Variants in GRIK2 observed in about 807,000 individuals in gnomAD.
GRIK2 encodes the protein glutamate receptor ionotropic, kainate 2.
In GRIK2, 32 loss-of-function variants were observed where a neutral mutation model predicts 100.3. The observed-to-expected ratio is 0.32, with a 90% CI of 0.24 to 0.43. The LOEUF (loss-of-function observed/expected upper bound fraction) is 0.43, where lower values mean the gene tolerates loss of function less well. GRIK2 is among the 20% of genes least tolerant of loss of function. The probability of loss-of-function intolerance (pLI) is 1.00; values close to 1 mark genes in which losing one functional copy is unlikely to be tolerated. For missense variants in GRIK2, 843 were observed against 1,114.9 expected (o/e 0.76, Z 3.47); for synonymous variants, 417 against 389.4 (o/e 1.07, Z -0.83).
chr6:101,798,013 C>T (rs2128412521), intron 7 of GRIK2, among the ~76,000 whole-genome samples: 1 of 148,586 alleles, frequency 6.7e-6, no homozygotes, highest in Admixed American at 6.7e-5. Context: ...AGAAATTTCC[C>T]TATTTTGGTC....
chr6:101,398,479 T>G (rs976275034), intron 1 of GRIK2, among the ~76,000 whole-genome samples: 21 of 152,302 alleles, frequency 1.4e-4, no homozygotes, highest in African/African-American at 4.1e-4. Flanking sequence ...AAAATAAAAG[T>G]ATAAATAAGA....
intron 2 of GRIK2, among the ~76,000 whole-genome samples, chr6:101,433,370 G>A (rs1769526474): frequency 6.6e-6 from 1 of 152,016 alleles, no homozygotes; most frequent in Middle Eastern, 3.2e-3. Context: ...TTTTATACCT[G>A]CGTGACGTGC....
Position 102,022,789 on chromosome 6 carries a change from A to T in GRIK2, c.2086-12552A>T, listed in dbSNP as rs1399274755. ...ATTTCTTCAAATATTTATAGAGCAA[A>T]TGGGTAGAAAACTAGCTGTGCCTGC... On this transcript the variant is annotated intron_variant, in intron 14 of 16. Transcript: ENST00000369134. Among the ~76,000 whole-genome samples, 3 of 151,736 alleles carry T rather than the reference A, an allele frequency of 2.0e-5. No homozygotes were observed. The South Asian group carries it at 6.2e-4, about 31-fold the overall frequency.
At chr6:101,661,042 C>T (rs1257732090) in intron 4 of GRIK2, among the ~76,000 whole-genome samples, 1 of 152,124 alleles carries the variant, frequency 6.6e-6, no homozygotes, top group Non-Finnish European at 1.5e-5. Flanking sequence ...AGCCAGCAGG[C>T]AGGAATGTTT....
At chr6:101,759,103 A>G (rs1395425923) in intron 7 of GRIK2, among the ~76,000 whole-genome samples, 1 of 152,166 alleles carries the variant, frequency 6.6e-6, no homozygotes, top group African/African-American at 2.4e-5. Flanking sequence ...TTTGCATATC[A>G]AGTAGCATAT....
At chr6:101,817,617 T>TA (rs1781712645) in intron 9 of GRIK2, among the ~76,000 whole-genome samples, 1 of 152,248 alleles carries the variant, frequency 6.6e-6, no homozygotes, top group South Asian at 2.1e-4. Flanking sequence ...ATCCTGTGCT[T>TA]ACGTGTTTCT....
At chr6:101,764,427 A>T (rs1777919014) in intron 7 of GRIK2, among the ~76,000 whole-genome samples, 1 of 152,146 alleles carries the variant, frequency 6.6e-6, no homozygotes, top group South Asian at 2.1e-4. Flanking sequence ...AAAGATAACC[A>T]GCACTCTGTG....
intron 12 of GRIK2, among the ~76,000 whole-genome samples, chr6:101,895,667 C>A (rs1157204920): frequency 6.6e-6 from 1 of 151,662 alleles, no homozygotes; most frequent in African/African-American, 2.4e-5. Flanking sequence ...AAATGAAATG[C>A]CAATTTTGTT....
chr6:101,864,090 T>C (rs1257577315), intron 11 of GRIK2, among the ~76,000 whole-genome samples: 2 of 149,678 alleles, frequency 1.3e-5, no homozygotes, highest in Non-Finnish European at 3.0e-5. Context: ...TGAGCCGAGA[T>C]TGCGCCACTG....
At chr6:101,477,420 C>A (rs1772298969) in intron 2 of GRIK2, among the ~76,000 whole-genome samples, 1 of 152,176 alleles carries the variant, frequency 6.6e-6, no homozygotes, top group Non-Finnish European at 1.5e-5. Context: ...GCCCACCAAA[C>A]AATTTGTCAA....
intron 14 of GRIK2, among the ~76,000 whole-genome samples, chr6:101,937,365 C>T (rs1316025418): frequency 6.6e-6 from 1 of 152,042 alleles, no homozygotes; most frequent in African/African-American, 2.4e-5. Context: ...AGAGAGGGCC[C>T]CACAGGGAGT....
At chr6:101,645,943 T>C (rs1460072634) in intron 4 of GRIK2, among the ~76,000 whole-genome samples, 2 of 151,970 alleles carry the variant, frequency 1.3e-5, no homozygotes, top group African/African-American at 4.8e-5. Context: ...TATATGATAT[T>C]TATACATTTT....
At chr6:101,814,594 A>G (rs1781521820) in intron 9 of GRIK2, among the ~76,000 whole-genome samples, 1 of 152,146 alleles carries the variant, frequency 6.6e-6, no homozygotes, top group South Asian at 2.1e-4. Flanking sequence ...TGTAAAGGGA[A>G]AGATAACAAG....
At chr6:101,809,767 T>C (rs1781217605) in intron 9 of GRIK2, among the ~76,000 whole-genome samples, 1 of 152,086 alleles carries the variant, frequency 6.6e-6, no homozygotes, top group Admixed American at 6.6e-5. Context: ...TGCCTTTCTT[T>C]GGAGATGTTA....
In GRIK2 at chr6:101,444,779, A is replaced by C. The variant is rs546502465; in HGVS notation, c.115+45387A>C. Among the ~76,000 whole-genome samples the C allele has an allele frequency of 1.6e-4, 24 of 152,172 alleles. No homozygotes were observed. In the East Asian group the frequency reaches 4.6e-3, roughly 29 times the overall value. ...CTGTCTGCTCACTACTCCTTGCCTC[A>C]TTACTGAATCATGATCATTTCTCCC... On this transcript the variant is annotated intron_variant, in intron 2 of 16. Coordinates refer to ENST00000369134, the MANE Select transcript of GRIK2 (RefSeq NM_021956.5).
At chr6:101,640,132 T>G (rs941704064) in intron 4 of GRIK2, among the ~76,000 whole-genome samples, 3 of 152,204 alleles carry the variant, frequency 2.0e-5, no homozygotes, top group African/African-American at 4.8e-5. Context: ...TTAAATTTAA[T>G]TCATAACACA....
chr6:101,842,383 A>T (rs966796000), intron 10 of GRIK2, among the ~76,000 whole-genome samples: 1 of 152,082 alleles, frequency 6.6e-6, no homozygotes, highest in African/African-American at 2.4e-5. Flanking sequence ...CTCTGGGATG[A>T]TTTAACTGAC....
chr6:102,058,300 G>A lies in GRIK2; in HGVS notation c.2562+2720G>A, dbSNP rs542882919. ...TAGTATTTTTTGTTTGTATCTCCAA[G>A]GCCTCAATTAGTGCCTGGTGGCATA... On this transcript the variant is annotated intron_variant, in intron 16 of 16. Coordinates refer to ENST00000369134, the MANE Select transcript of GRIK2 (RefSeq NM_021956.5). Among the ~76,000 whole-genome samples, 31 of 151,662 alleles carry A rather than the reference G, an allele frequency of 2.0e-4. No homozygotes were observed. The South Asian group carries it at 4.1e-3, about 20-fold the overall frequency.
intron 7 of GRIK2, among the ~76,000 whole-genome samples, chr6:101,798,881 T>C (rs1780486461): frequency 6.6e-6 from 1 of 152,118 alleles, no homozygotes; most frequent in African/African-American, 2.4e-5. Flanking sequence ...ATCATCAACC[T>C]CCAAAGTGGT....
Sources: gnomAD v4.1 joint callset for allele counts (sites outside exome capture counted in the v4.1 genomes callset) on GRCh38, gnomAD v4.1.1 for gene constraint, MANE v1.5 for transcripts, NCBI Gene and HGNC (gene_info 2026-07-23, HGNC 2026-07-21) for gene names.